ZNF704: variants seen among roughly 807,000 people sequenced by gnomAD.
The protein encoded by ZNF704 is glucocorticoid induced gene 1.
ZNF704 carries 10 observed loss-of-function variants against 44.7 expected under a neutral mutation model. That is an observed-to-expected ratio of 0.22 (90% CI 0.14 to 0.38). ZNF704 has a LOEUF of 0.38. Ranked by LOEUF, ZNF704 falls within the 10% of genes least tolerant of loss-of-function variation. The pLI, the probability that ZNF704 is intolerant of heterozygous loss-of-function variation, is 1.00. For synonymous variants in ZNF704, 211 were observed against 207.6 expected (o/e 1.02, Z -0.14); for missense variants, 390 against 545.5 (o/e 0.71, Z 2.84).
At chr8:80,738,081 T>C (rs1420180271) in intron 2 of ZNF704, among the ~76,000 whole-genome samples, 1 of 152,342 alleles carries the variant, frequency 6.6e-6, no homozygotes, top group East Asian at 1.9e-4. Context: ...TGATGTATTT[T>C]CTCATGGTCA....
chr8:80,707,790 A>T (rs1379883506), intron 2 of ZNF704, among the ~76,000 whole-genome samples: 1 of 151,692 alleles, frequency 6.6e-6, no homozygotes, highest in Non-Finnish European at 1.5e-5. Context: ...TTATTTCTGG[A>T]GCTGGCTTTT....
chr8:80,814,978 T>C (rs897780044), intron 2 of ZNF704, among the ~76,000 whole-genome samples: 1 of 152,216 alleles, frequency 6.6e-6, no homozygotes, highest in Non-Finnish European at 1.5e-5. Context: ...GACACTACCA[T>C]TGAAAATGGG....
chr8:80,704,285 C>T (rs73273025), intron 2 of ZNF704, among the ~76,000 whole-genome samples: 11,317 of 152,238 alleles, frequency 0.074, 1,425 homozygotes, highest in African/African-American at 0.26. Context: ...AGGTTTAGCG[C>T]TTTTGATTGC....
intron 2 of ZNF704, among the ~76,000 whole-genome samples, chr8:80,720,635 A>C: frequency 6.6e-6 from 1 of 152,196 alleles, no homozygotes. Context: ...AGCTGTCAAA[A>C]CCATGGATGG....
intron 2 of ZNF704, among the ~76,000 whole-genome samples, chr8:80,730,856 T>G (rs1260893749): frequency 6.6e-6 from 1 of 152,204 alleles, no homozygotes; most frequent in Non-Finnish European, 1.5e-5. Context: ...ATGAAAGATG[T>G]GACATGAATG....
intron 2 of ZNF704, among the ~76,000 whole-genome samples, chr8:80,756,858 G>A (rs1439452994): frequency 6.6e-6 from 1 of 152,166 alleles, no homozygotes; most frequent in Admixed American, 6.5e-5. Context: ...TGCCCTCTGC[G>A]AGCTTACAGT....
At chr8:80,693,387 G>C (rs943851014) in intron 2 of ZNF704, among the ~76,000 whole-genome samples, 1 of 152,142 alleles carries the variant, frequency 6.6e-6, no homozygotes, top group African/African-American at 2.4e-5. Flanking sequence ...TTCTAGCCAC[G>C]AGTGATATGA....
intron 1 of ZNF704, among the ~76,000 whole-genome samples, chr8:80,823,786 C>T (rs935821901): frequency 2.0e-5 from 3 of 152,268 alleles, no homozygotes; most frequent in African/African-American, 7.2e-5. Context: ...CTGCAGCCTC[C>T]GCTGGTGATA....
chr8:80,883,078 A>AC, the ZNF704 span, among the ~76,000 whole-genome samples: 1 of 148,496 alleles, frequency 6.7e-6, no homozygotes, highest in Non-Finnish European at 1.5e-5. Flanking sequence ...TCTCTACAAA[A>AC]AAAAAAAAAA....
At chr8:80,790,070 C>A (rs1412382666) in intron 2 of ZNF704, among the ~76,000 whole-genome samples, 1 of 152,176 alleles carries the variant, frequency 6.6e-6, no homozygotes, top group Non-Finnish European at 1.5e-5. Flanking sequence ...ATCAATACCA[C>A]AGCATTTCCA....
At chr8:80,754,267 C>T (rs2131709537) in intron 2 of ZNF704, among the ~76,000 whole-genome samples, 1 of 152,182 alleles carries the variant, frequency 6.6e-6, no homozygotes, top group South Asian at 2.1e-4. Context: ...AAATGCAACA[C>T]CAAGCAGGAC....
chr8:80,816,702 T>G (rs1405180532), intron 2 of ZNF704, among the ~76,000 whole-genome samples: 1 of 152,236 alleles, frequency 6.6e-6, no homozygotes, highest in African/African-American at 2.4e-5. Flanking sequence ...ATTAATTTTC[T>G]TTCTGTTAAT....
At chr8:80,726,831 ATG>A (rs1491428911) in intron 2 of ZNF704, among the ~76,000 whole-genome samples, 2 of 140,952 alleles carry the variant, frequency 1.4e-5, no homozygotes, top group Non-Finnish European at 3.0e-5. Flanking sequence ...ACACACACAC[ATG>A]CACACACACA....
chr8:80,800,780 C>G (rs1030144022), intron 2 of ZNF704, among the ~76,000 whole-genome samples: 1 of 152,138 alleles, frequency 6.6e-6, no homozygotes, highest in African/African-American at 2.4e-5. Flanking sequence ...CAGCTAGCAT[C>G]ATGATGATAG....
chr8:80,864,634 T>C (rs1435430535), intron 1 of ZNF704, among the ~76,000 whole-genome samples: 3 of 152,148 alleles, frequency 2.0e-5, no homozygotes, highest in Admixed American at 2.0e-4. Context: ...CAAGCAGATA[T>C]GAGTTTAGAG....
chr8:80,818,699 A>C (rs1253143489), intron 2 of ZNF704, among the ~76,000 whole-genome samples: 1 of 152,196 alleles, frequency 6.6e-6, no homozygotes, highest in Non-Finnish European at 1.5e-5. Context: ...ACACAGGGCC[A>C]ATTGTATATA....
At position 80,874,667 on chromosome 8, in the gene ZNF704, G is replaced by A. The variant is rs1014190944; in HGVS notation, c.-118C>T. On this transcript the variant is annotated 5_prime_UTR_variant, in exon 1 of 9. Transcript: ENST00000327835. This position sits in a 1 kb window ranked among gnomAD's most constrained non-coding sequence, Gnocchi z 4.4. The stretch of plus-strand genomic sequence containing the variant: ...CATTCTTCCCTCCGGAGGGAGGGGA[G>A]TAGACTTCGCTGGAAGTAAGGTTGT... 2 of 152,116 alleles carry A rather than the reference G, an allele frequency of 1.3e-5. No homozygotes were observed. Among genetic ancestry groups the A allele is most frequent in the African/African-American group, 4.8e-5 (2 of 41,434 alleles). The allele number at this position is 152,116 out of a possible 1,614,324, so 9.4% of individuals were successfully genotyped here. A position where few individuals can be genotyped will look rare whatever the true frequency, so the allele number is the denominator to read the frequency against.
intron 2 of ZNF704, among the ~76,000 whole-genome samples, chr8:80,782,750 A>G (rs1382882782): frequency 6.6e-6 from 1 of 152,154 alleles, no homozygotes; most frequent in East Asian, 1.9e-4. Flanking sequence ...GAGGAAGTAC[A>G]GTCGCTGCTT....
intron 5 of ZNF704, 51 bp downstream of exon 5, chr8:80,670,452 C>T: frequency 1.5e-6 from 2 of 1,357,758 alleles, no homozygotes; most frequent in Non-Finnish European, 2.1e-6. Context: ...GTGCGGGTGG[C>T]CCTAGACTGA....
Sources: gnomAD v4.1 joint callset for allele counts (sites outside exome capture counted in the v4.1 genomes callset) on GRCh38, gnomAD v4.1.1 for gene constraint, Gnocchi (gnomAD v3.1) non-coding constraint, MANE v1.5 for transcripts, NCBI Gene and HGNC (gene_info 2026-07-23, HGNC 2026-07-21) for gene names.